Variants in GKAP1 observed in about 807,000 individuals in gnomAD.
The protein encoded by GKAP1 is G kinase-anchoring protein 1.
GKAP1 carries 31 observed loss-of-function variants against 56.7 expected under a neutral mutation model. The ratio of observed to expected loss-of-function variants is 0.55; its 90% CI spans 0.41 to 0.74. GKAP1 has a LOEUF of 0.74. Ranked by LOEUF, GKAP1 falls within the 30% of genes least tolerant of loss-of-function variation. GKAP1 has a pLI of 0.00. For synonymous variants in GKAP1, 151 were observed against 138.6 expected (o/e 1.09, Z -0.63); for missense variants, 364 against 402.3 (o/e 0.90, Z 0.82).
At chr9:83,787,175 C>G (rs967264977) in intron 5 of GKAP1, among the ~76,000 whole-genome samples, 1 of 152,118 alleles carries the variant, frequency 6.6e-6, no homozygotes, top group African/African-American at 2.4e-5. Flanking sequence ...ATATACAGCC[C>G]ACTTTATTAG....
intron 8 of GKAP1, among the ~76,000 whole-genome samples, chr9:83,760,475 A>G (rs1352397229): frequency 6.6e-6 from 1 of 152,140 alleles, no homozygotes; most frequent in African/African-American, 2.4e-5. Context: ...AAGAAAATCA[A>G]CAAAGAAACA....
At chr9:83,765,483 A>C (rs1943647021) in intron 8 of GKAP1, among the ~76,000 whole-genome samples, 1 of 152,208 alleles carries the variant, frequency 6.6e-6, no homozygotes, top group Non-Finnish European at 1.5e-5. Context: ...ACTGTCCTCC[A>C]GCCCCCAGAA....
chr9:83,803,848 G>A (rs1316780516), intron 3 of GKAP1, among the ~76,000 whole-genome samples: 6 of 151,254 alleles, frequency 4.0e-5, no homozygotes, highest in African/African-American at 1.2e-4. Flanking sequence ...GGGAAGTGAG[G>A]AGCGTTTCTG....
intron 4 of GKAP1, among the ~76,000 whole-genome samples, chr9:83,795,481 CTCTT>C (rs1377354511): frequency 1.3e-5 from 2 of 150,996 alleles, no homozygotes; most frequent in African/African-American, 4.9e-5. Flanking sequence ...ATTGTTTGTG[CTCTT>C]TATTTAGATT....
intron 3 of GKAP1, among the ~76,000 whole-genome samples, chr9:83,800,581 C>A (rs1189857983): frequency 6.6e-6 from 1 of 152,042 alleles, no homozygotes; most frequent in Non-Finnish European, 1.5e-5. Flanking sequence ...TGATCCCACC[C>A]ACCTCAGCCT....
chr9:83,816,215 A>G, intron 2 of GKAP1, among the ~76,000 whole-genome samples: 1 of 152,052 alleles, frequency 6.6e-6, no homozygotes. Context: ...TAGGGTTCAC[A>G]ATCAGCAAGT....
At chr9:83,810,699 C>G (rs1419701665) in intron 2 of GKAP1, among the ~76,000 whole-genome samples, 1 of 152,192 alleles carries the variant, frequency 6.6e-6, no homozygotes, top group Non-Finnish European at 1.5e-5. Flanking sequence ...CTTGAGCAAC[C>G]TACTTGATCT....
rs1423296628 is a variant in GKAP1 at position 83,804,346 on chromosome 9, T to TG, written c.216+1955dup. Among the ~76,000 whole-genome samples the TG allele has an allele frequency of 3.6e-3, 300 of 82,322 alleles. 3 individuals are homozygous for TG. Among genetic ancestry groups the TG allele is most frequent in the African/African-American group, 8.3e-3 (171 of 20,574 alleles). The allele number at this position is 82,322 out of a possible 152,430, so 54.0% of individuals were successfully genotyped here. ...CCAGCCGCCCCATCCGGGAGGGAGGTGGGGGGGTCAGCCCCCCGCCCGGCC... is the reference window on the plus strand; with the variant it reads ...CCAGCCGCCCCATCCGGGAGGGAGGTGGGGGGGGTCAGCCCCCCGCCCGGCC... On this transcript the variant is annotated intron_variant, in intron 3 of 12. Coordinates refer to ENST00000376371, the MANE Select transcript of GKAP1 (RefSeq NM_025211.4).
Position 83,788,682 on chromosome 9 carries a change from CAAA to C in GKAP1, c.361-7_361-5del. 1 of 1,575,598 alleles carries C rather than the reference CAAA, an allele frequency of 6.3e-7. No individual in the cohort carries two copies. The highest frequency in any genetic ancestry group is 8.6e-7 in the Non-Finnish European group (1 of 1,157,670). The stretch of plus-strand genomic sequence containing the variant: ...CTTCAAACATTTCAGATGTCAGCTA[CAAA>C]AAAAAAGTTTCACAATAAACAGACA... On this transcript the variant is annotated splice_region_variant and splice_polypyrimidine_tract_variant and intron_variant, in intron 4 of 12. Coordinates refer to ENST00000376371, the MANE Select transcript of GKAP1 (RefSeq NM_025211.4).
At chr9:83,762,207 C>A (rs1320529137) in intron 8 of GKAP1, among the ~76,000 whole-genome samples, 4 of 151,972 alleles carry the variant, frequency 2.6e-5, no homozygotes, top group Non-Finnish European at 5.9e-5. Context: ...AGTAAAGTTG[C>A]AGGATACAAA....
chr9:83,763,497 C>A (rs1943609498), intron 8 of GKAP1, among the ~76,000 whole-genome samples: 1 of 152,142 alleles, frequency 6.6e-6, no homozygotes, highest in Non-Finnish European at 1.5e-5. Context: ...GTAAGCATTG[C>A]ATGCCTGTAT....
intron 9 of GKAP1, among the ~76,000 whole-genome samples, 171 bp downstream of exon 9, chr9:83,753,087 T>C (rs1330865022): frequency 1.3e-5 from 2 of 150,088 alleles, no homozygotes; most frequent in East Asian, 3.9e-4. Context: ...ACAACATAAA[T>C]AAATAAATAA....
At chr9:83,807,814 C>CT (rs1187183996) in intron 2 of GKAP1, among the ~76,000 whole-genome samples, 1 of 152,138 alleles carries the variant, frequency 6.6e-6, no homozygotes, top group Admixed American at 6.6e-5. Context: ...CAGGAAAGGG[C>CT]TATGTAAAGG....
At chr9:83,794,537 A>G (rs923088618) in intron 4 of GKAP1, among the ~76,000 whole-genome samples, 3 of 152,214 alleles carry the variant, frequency 2.0e-5, no homozygotes, top group Admixed American at 6.5e-5. Context: ...CACGTAAGAG[A>G]GAACTTGCTA....
chr9:83,768,944 T>C lies in GKAP1; in HGVS notation c.612A>G (p.Ser204=), dbSNP rs748780565. 5 of 1,609,416 alleles carry C rather than the reference T, an allele frequency of 3.1e-6. No homozygotes were observed. The highest frequency in any genetic ancestry group is 4.2e-6 in the Non-Finnish European group (5 of 1,178,818). The part of the protein sequence containing the change: ...TEELSSSQTL[S]HDGGFFNRLE... ...GTCTATTGAAGAATCCTCCATCATG[T>C]GATAAAGTCTGAGAAGAACTCAATT... The change falls in exon 8 of 13, where the codon TCA becomes TCG. Residue 204 remains serine (S), a synonymous_variant. Coordinates refer to ENST00000376371, the MANE Select transcript of GKAP1 (RefSeq NM_025211.4).
At chr9:83,790,267 T>C (rs937621603) in intron 4 of GKAP1, among the ~76,000 whole-genome samples, 1 of 152,180 alleles carries the variant, frequency 6.6e-6, no homozygotes, top group African/African-American at 2.4e-5. Flanking sequence ...ACATACTTTA[T>C]GGAATAACTG....
At chr9:83,779,426 CAT>C (rs141709042) in intron 7 of GKAP1, among the ~76,000 whole-genome samples, 6,727 of 92,858 alleles carry the variant, frequency 0.072, 793 homozygotes, top group East Asian at 0.44. Context: ...GGTCAGAAGC[CAT>C]ATATATATAT....
intron 10 of GKAP1, among the ~76,000 whole-genome samples, chr9:83,746,082 C>G (rs544806097): frequency 1.3e-5 from 2 of 152,048 alleles, no homozygotes; most frequent in Non-Finnish European, 2.9e-5. Flanking sequence ...TGAGCCACTG[C>G]GCCTGGCCTC....
chr9:83,798,960 A>G (rs1944289600), intron 4 of GKAP1, among the ~76,000 whole-genome samples: 1 of 152,224 alleles, frequency 6.6e-6, no homozygotes, highest in Non-Finnish European at 1.5e-5. Context: ...TTTTAAAACC[A>G]CAAAATAACT....
Sources: allele counts gnomAD v4.1 joint callset (sites outside exome capture counted in the v4.1 genomes callset), GRCh38; gene constraint gnomAD v4.1.1; transcripts MANE v1.5; gene names NCBI Gene and HGNC (gene_info 2026-07-23, HGNC 2026-07-21).